The following PPP1R9A variants were observed in gnomAD, a reference collection of about 807,000 sequenced individuals.
PPP1R9A encodes neurabin-1.
Under a neutral mutation model 141.9 loss-of-function variants are expected in PPP1R9A, and 59 were observed. The observed-to-expected ratio is 0.42, with a 90% CI of 0.34 to 0.52. PPP1R9A has a LOEUF of 0.52. Among genes scored for constraint, PPP1R9A ranks in the 20% least tolerant of loss-of-function variants. PPP1R9A has a pLI of 0.10. For missense variants in PPP1R9A, 1,444 were observed against 1,611.9 expected (o/e 0.90, Z 1.78); for synonymous variants, 500 against 569.7 (o/e 0.88, Z 1.74).
At chr7:95,049,257 A>G (rs1239875187) in intron 2 of PPP1R9A, among the ~76,000 whole-genome samples, 1 of 152,176 alleles carries the variant, frequency 6.6e-6, no homozygotes, top group East Asian at 1.9e-4. Flanking sequence ...GATCAGAAGG[A>G]ATTGTTCCAA....
intron 2 of PPP1R9A, among the ~76,000 whole-genome samples, chr7:94,983,841 T>G (rs904031107): frequency 3.9e-5 from 6 of 152,128 alleles, no homozygotes; most frequent in African/African-American, 1.4e-4. Flanking sequence ...TTGCCTGATT[T>G]CCCTGGCCAG....
At chr7:94,945,259 G>A (rs903820119) in intron 2 of PPP1R9A, among the ~76,000 whole-genome samples, 4 of 151,938 alleles carry the variant, frequency 2.6e-5, no homozygotes, top group East Asian at 3.9e-4. Context: ...TAAAAATGAG[G>A]GTGATTATAC....
rs1008379513 is a variant in PPP1R9A at position 95,275,382 on chromosome 7, C to T, written c.3296+1214C>T. On this transcript the variant is annotated intron_variant, in intron 16 of 19. Transcript: ENST00000433360. Reference sequence around the variant, plus strand: ...AAGATCGCACCACTGCACTCCTGGGCGATAGAGCGAGACTCCGTCTCAAAA... The same window carrying T: ...AAGATCGCACCACTGCACTCCTGGGTGATAGAGCGAGACTCCGTCTCAAAA... Among the ~76,000 whole-genome samples the T allele has an allele frequency of 8.1e-5, 11 of 135,910 alleles. No individual in the cohort carries two copies. In the East Asian group the frequency reaches 2.0e-3, roughly 24 times the overall value. 89.2% of individuals were successfully genotyped at this position (135,910 alleles called of 152,430 possible).
At chr7:95,073,652 G>T (rs1425078467) in intron 2 of PPP1R9A, among the ~76,000 whole-genome samples, 5 of 113,084 alleles carry the variant, frequency 4.4e-5, no homozygotes, top group Admixed American at 1.1e-4. Context: ...TTTTTGTCAA[G>T]GCTCACACAC....
chr7:95,286,645 T>A (rs1421062128), intron 18 of PPP1R9A, among the ~76,000 whole-genome samples: 1 of 152,140 alleles, frequency 6.6e-6, no homozygotes, highest in Non-Finnish European at 1.5e-5. Flanking sequence ...TTTCTTTTTT[T>A]CCTTGCCTCC....
intron 8 of PPP1R9A, among the ~76,000 whole-genome samples, chr7:95,238,206 T>C (rs1411783499): frequency 6.6e-6 from 1 of 152,158 alleles, no homozygotes; most frequent in Non-Finnish European, 1.5e-5. Context: ...ACAAAATAAT[T>C]AGTTCCAGCT....
intron 2 of PPP1R9A, among the ~76,000 whole-genome samples, chr7:94,997,121 T>C (rs1802297210): frequency 1.3e-5 from 2 of 152,140 alleles, no homozygotes; most frequent in Non-Finnish European, 2.9e-5. Flanking sequence ...CTGTATGTTT[T>C]TGGTCTCTAA....
intron 2 of PPP1R9A, among the ~76,000 whole-genome samples, chr7:95,096,546 G>C (rs1818043897): frequency 1.3e-5 from 2 of 152,062 alleles, no homozygotes; most frequent in Non-Finnish European, 2.9e-5. Flanking sequence ...AGAGCTTCTG[G>C]CTCCTCTCTT....
chr7:94,953,321 C>A (rs571536348), intron 2 of PPP1R9A, among the ~76,000 whole-genome samples: 23 of 152,086 alleles, frequency 1.5e-4, no homozygotes, highest in Non-Finnish European at 2.9e-4. Flanking sequence ...GTCTATATAT[C>A]TGTTTTGGGT....
chr7:95,281,747 A>G (rs1466649710), intron 16 of PPP1R9A, among the ~76,000 whole-genome samples: 1 of 152,230 alleles, frequency 6.6e-6, no homozygotes, highest in African/African-American at 2.4e-5. Flanking sequence ...CATTGTTACA[A>G]AGGCTGTTCA....
At chr7:95,255,189 A>G (rs1799410972) in intron 12 of PPP1R9A, among the ~76,000 whole-genome samples, 1 of 152,128 alleles carries the variant, frequency 6.6e-6, no homozygotes, top group Admixed American at 6.6e-5. Context: ...CAGGATTAGG[A>G]TAAAAACAGA....
intron 2 of PPP1R9A, among the ~76,000 whole-genome samples, chr7:95,100,844 ATTTTTTTT>A (rs34210406): frequency 5.7e-5 from 4 of 70,164 alleles, no homozygotes; most frequent in Admixed American, 2.0e-4. Flanking sequence ...TCTTTGTCTG[ATTTTTTTT>A]TTTTTTTTTT....
intron 2 of PPP1R9A, among the ~76,000 whole-genome samples, chr7:94,995,372 A>AT (rs771364116): frequency 6.6e-6 from 1 of 151,576 alleles, no homozygotes; most frequent in African/African-American, 2.4e-5. Context: ...AAATTTGGCC[A>AT]TTTTTTCCCC....
intron 2 of PPP1R9A, among the ~76,000 whole-genome samples, chr7:95,092,577 C>T (rs1817506079): frequency 2.0e-5 from 3 of 152,114 alleles, no homozygotes; most frequent in Admixed American, 2.0e-4. Flanking sequence ...TACAGAACTT[C>T]CAAAAGAACT....
intron 2 of PPP1R9A, among the ~76,000 whole-genome samples, chr7:95,012,182 G>T (rs1804518326): frequency 6.6e-6 from 1 of 152,094 alleles, no homozygotes; most frequent in African/African-American, 2.4e-5. Flanking sequence ...TTGGCTCATG[G>T]TTCTACAGGC....
intron 5 of PPP1R9A, chr7:95,176,429 T>A (rs1322468417): frequency 6.6e-6 from 1 of 151,922 alleles, no homozygotes; most frequent in African/African-American, 2.4e-5. Flanking sequence ...ACTCTGGTAA[T>A]ATGACAAAAC....
chr7:94,909,817 GA>G (rs958735994), intron 1 of PPP1R9A, 80 bp from the exon 2 acceptor site: 43 of 209,646 alleles, frequency 2.1e-4, no homozygotes, highest in East Asian at 3.9e-4. Context: ...AAGCCATTTG[GA>G]AAAAAAAATG....
At chr7:95,149,571 A>G (rs1828272431) in intron 4 of PPP1R9A, among the ~76,000 whole-genome samples, 1 of 151,992 alleles carries the variant, frequency 6.6e-6, no homozygotes, top group South Asian at 2.1e-4. Flanking sequence ...ATTTTCCTAT[A>G]TAACAGCAAT....
rs190589095 is a variant in PPP1R9A at position 95,275,340 on chromosome 7, G to A, written c.3296+1172G>A. On this transcript the variant is annotated intron_variant, in intron 16 of 19. Coordinates refer to ENST00000433360, the MANE Select transcript of PPP1R9A (RefSeq NM_001166160.2). Reference sequence around the variant, plus strand: ...GGAGAATTGCTTGAACCCGGGAGGCGGAGGTTTGAGTGAGCCAAGATCGCA... The same window carrying A: ...GGAGAATTGCTTGAACCCGGGAGGCAGAGGTTTGAGTGAGCCAAGATCGCA... Among the ~76,000 whole-genome samples, 320 of 151,740 alleles carry A rather than the reference G, an allele frequency of 2.1e-3. 2 individuals carry two copies. The highest frequency in any genetic ancestry group is 7.3e-3 in the African/African-American group (301 of 41,350).
Sources: gnomAD v4.1 joint callset for allele counts (sites outside exome capture counted in the v4.1 genomes callset) on GRCh38, gnomAD v4.1.1 for gene constraint, MANE v1.5 for transcripts, NCBI Gene and HGNC (gene_info 2026-07-23, HGNC 2026-07-21) for gene names.